FGF12: variants seen among roughly 807,000 people sequenced by gnomAD.
FGF12 encodes fibroblast growth factor 12.
A neutral mutation model predicts 23.6 loss-of-function variants in FGF12; 14 were observed. That is an observed-to-expected ratio of 0.59 (90% CI 0.39 to 0.93). The LOEUF (loss-of-function observed/expected upper bound fraction) is 0.93. FGF12 is among the 40% of genes least tolerant of loss of function. The pLI, the probability that FGF12 is intolerant of heterozygous loss-of-function variation, is 0.00. For missense variants in FGF12, 175 were observed against 217.8 expected, an observed-to-expected ratio of 0.80 and a Z score of 1.24; for synonymous variants, 62 against 77.3, an observed-to-expected ratio of 0.80 and a Z score of 1.04.
intron 2 of FGF12, among the ~76,000 whole-genome samples, chr3:192,482,473 T>C (rs1362326978): frequency 6.6e-6 from 1 of 151,656 alleles, no homozygotes; most frequent in East Asian, 1.9e-4. Flanking sequence ...GTCTGTAATA[T>C]AAATACAAAA....
chr3:192,706,978 A>G (rs149361996), intron 2 of FGF12, among the ~76,000 whole-genome samples: 1 of 152,222 alleles, frequency 6.6e-6, no homozygotes, highest in African/African-American at 2.4e-5. Flanking sequence ...TAACAGATGA[A>G]TTGTTGAGGA....
intron 2 of FGF12, among the ~76,000 whole-genome samples, chr3:192,600,273 A>G (rs1232137379): frequency 6.6e-6 from 1 of 152,076 alleles, no homozygotes; most frequent in African/African-American, 2.4e-5. Flanking sequence ...TAACAACATC[A>G]TGCTATTTTA....
chr3:192,525,606 C>T (rs1316302816), intron 2 of FGF12, among the ~76,000 whole-genome samples: 4 of 152,130 alleles, frequency 2.6e-5, no homozygotes, highest in Admixed American at 6.5e-5. Context: ...AAATAATCAC[C>T]CCAAAACTTA....
chr3:192,663,925 C>A (rs1008500658), intron 2 of FGF12, among the ~76,000 whole-genome samples: 1 of 152,082 alleles, frequency 6.6e-6, no homozygotes, highest in Non-Finnish European at 1.5e-5. Flanking sequence ...TTATATAATC[C>A]CATTAGACAG....
intron 2 of FGF12, among the ~76,000 whole-genome samples, chr3:192,558,773 A>G (rs1462686761): frequency 6.6e-6 from 1 of 151,958 alleles, no homozygotes; most frequent in East Asian, 1.9e-4. Context: ...GGAATAGAAT[A>G]AAGAGTTCAG....
chr3:192,673,309 C>T (rs993056796), intron 2 of FGF12: 15 of 150,968 alleles, frequency 9.9e-5, no homozygotes, highest in African/African-American at 3.1e-4. Flanking sequence ...AATACAGAGA[C>T]AAATCAGTTA....
At chr3:192,628,497 G>GTA (rs1406995524) in intron 2 of FGF12, among the ~76,000 whole-genome samples, 9 of 103,372 alleles carry the variant, frequency 8.7e-5, no homozygotes, top group Non-Finnish European at 1.7e-4. Context: ...AGACATATAT[G>GTA]TATATATATA....
intron 2 of FGF12, among the ~76,000 whole-genome samples, chr3:192,616,023 AG>A (rs1297455022): frequency 6.6e-6 from 1 of 151,968 alleles, no homozygotes; most frequent in African/African-American, 2.4e-5. Context: ...AATAATTATT[AG>A]TTTTATGCTT....
intron 2 of FGF12, among the ~76,000 whole-genome samples, chr3:192,371,092 C>T (rs1302589604): frequency 6.6e-6 from 1 of 152,164 alleles, no homozygotes; most frequent in Non-Finnish European, 1.5e-5. Flanking sequence ...GAGAAGTAGA[C>T]CTGGAATGAA....
chr3:192,437,442 C>T (rs1722059051), intron 2 of FGF12, among the ~76,000 whole-genome samples: 1 of 152,158 alleles, frequency 6.6e-6, no homozygotes, highest in South Asian at 2.1e-4. Flanking sequence ...CCTGTAATCC[C>T]AGCACTTTGG....
intron 4 of FGF12, among the ~76,000 whole-genome samples, chr3:192,213,113 T>A (rs1338665392): frequency 6.6e-6 from 1 of 152,268 alleles, no homozygotes; most frequent in East Asian, 1.9e-4. Flanking sequence ...TCACAGAACG[T>A]GCTTACGCTT....
chr3:192,200,740 C>G (rs545293711), intron 4 of FGF12, among the ~76,000 whole-genome samples: 2 of 152,154 alleles, frequency 1.3e-5, no homozygotes, highest in Non-Finnish European at 2.9e-5. Context: ...GGAATGGGGA[C>G]AAGATGCTAT....
chr3:192,712,134 A>G (rs1718709127), intron 2 of FGF12, among the ~76,000 whole-genome samples: 1 of 151,720 alleles, frequency 6.6e-6, no homozygotes, highest in Admixed American at 6.6e-5. Context: ...TAAAAGATAA[A>G]CTTGAGCCCA....
intron 2 of FGF12, among the ~76,000 whole-genome samples, chr3:192,579,987 T>G (rs1247750270): frequency 6.6e-6 from 1 of 152,174 alleles, no homozygotes. Context: ...TCCTGGGCAT[T>G]CTCATAGGCA....
intron 2 of FGF12, among the ~76,000 whole-genome samples, chr3:192,417,034 C>T (rs1300109263): frequency 6.6e-6 from 1 of 152,108 alleles, no homozygotes; most frequent in Non-Finnish European, 1.5e-5. Flanking sequence ...TGCAAGGGAT[C>T]TCATGAGGTC....
intron 2 of FGF12, among the ~76,000 whole-genome samples, chr3:192,631,362 G>A (rs1217969221): frequency 6.6e-6 from 1 of 152,120 alleles, no homozygotes; most frequent in Non-Finnish European, 1.5e-5. Context: ...CCCAACTACT[G>A]GAACGTAATG....
At chr3:192,304,236 C>T (rs541849606) in intron 4 of FGF12, among the ~76,000 whole-genome samples, 47 of 152,144 alleles carry the variant, frequency 3.1e-4, no homozygotes, top group Non-Finnish European at 4.6e-4. Flanking sequence ...TCTCTTAACC[C>T]TCCACAGCTT....
chr3:192,143,368 A>G lies in FGF12; in HGVS notation c.*641T>C, dbSNP rs1233633006. On this transcript the variant is annotated 3_prime_UTR_variant, in exon 6 of 6. Transcript: ENST00000445105. Reference sequence around the variant, plus strand: ...ATGCCATACAAGATTTTCCTTTTACATAAAACAATCTTAAATTACATCTCA... The same window carrying G: ...ATGCCATACAAGATTTTCCTTTTACGTAAAACAATCTTAAATTACATCTCA... 1 of 152,182 alleles carries G rather than the reference A, an allele frequency of 6.6e-6. No homozygotes were observed. Among genetic ancestry groups the G allele is most frequent in the Non-Finnish European group, 1.5e-5 (1 of 68,014 alleles). 9.4% of individuals were successfully genotyped at this position (152,182 alleles called of 1,614,324 possible). A position where few individuals can be genotyped will look rare whatever the true frequency, so the allele number is the denominator to read the frequency against.
chr3:192,682,730 G>A (rs1288036509), intron 2 of FGF12, among the ~76,000 whole-genome samples: 1 of 152,136 alleles, frequency 6.6e-6, no homozygotes, highest in East Asian at 1.9e-4. Context: ...GAGTTAAGGA[G>A]GTGTCTCTGG....
Sources: gnomAD v4.1 joint callset for allele counts (sites outside exome capture counted in the v4.1 genomes callset) on GRCh38, gnomAD v4.1.1 for gene constraint, MANE v1.5 for transcripts, NCBI Gene and HGNC (gene_info 2026-07-23, HGNC 2026-07-21) for gene names.